The following BMERB1 variants were observed in gnomAD, a reference collection of about 807,000 sequenced individuals.
BMERB1 encodes the protein bMERB domain containing 1, also known as bMERB domain-containing protein 1.
Under a neutral mutation model 23.6 loss-of-function variants are expected in BMERB1, and 12 were observed. The ratio of observed to expected loss-of-function variants is 0.51; its 90% CI spans 0.33 to 0.82. BMERB1 has a LOEUF of 0.82. BMERB1 is among the 40% of genes least tolerant of loss of function. The pLI is 0.03. For synonymous variants in BMERB1, 122 were observed against 96.6 expected (o/e 1.26, Z -1.54); for missense variants, 247 against 255.4 (o/e 0.97, Z 0.22).
chr16:15,435,765 G>A (rs1308368456), intron 1 of BMERB1, among the ~76,000 whole-genome samples: 2 of 152,190 alleles, frequency 1.3e-5, no homozygotes, highest in African/African-American at 4.8e-5. Flanking sequence ...GTGTGTGCGC[G>A]CTTTCTTTCT....
At chr16:15,532,168 T>A (rs1392222581) in intron 2 of BMERB1, among the ~76,000 whole-genome samples, 1 of 152,192 alleles carries the variant, frequency 6.6e-6, no homozygotes, top group Non-Finnish European at 1.5e-5. Flanking sequence ...TTATATTAGA[T>A]CAATCCAAGA....
At chr16:15,483,890 C>T (rs946207511) in intron 1 of BMERB1, among the ~76,000 whole-genome samples, 12 of 152,152 alleles carry the variant, frequency 7.9e-5, no homozygotes, top group South Asian at 2.1e-4. Context: ...AAAGGAATAC[C>T]GGAGGTTGGG....
rs911492049 is a variant in BMERB1 at position 15,584,194 on chromosome 16, T to C, written c.502+956T>C. On this transcript the variant is annotated intron_variant, in intron 5 of 5. Coordinates refer to ENST00000300006, the MANE Select transcript of BMERB1 (RefSeq NM_033201.3). The stretch of plus-strand genomic sequence containing the variant: ...TGGATCCTGCTGTCAAGAAACTGTC[T>C]TTTCTTTGTTGACCCAGCGTTTCTC... The C allele has an allele frequency of 8.5e-6, 5 of 588,972 alleles. No homozygotes were observed. The African/African-American group carries it at 9.4e-5, about 11-fold the overall frequency. The allele number at this position is 588,972 out of a possible 1,614,324, so 36.5% of individuals were successfully genotyped here.
intron 1 of BMERB1, among the ~76,000 whole-genome samples, chr16:15,510,122 G>A (rs973200938): frequency 2.0e-5 from 3 of 152,154 alleles, no homozygotes; most frequent in African/African-American, 4.8e-5. Flanking sequence ...TCTGGAGAGC[G>A]CGTGACCCTG....
chr16:15,558,412 A>G (rs568406676), intron 2 of BMERB1, among the ~76,000 whole-genome samples: 2 of 152,210 alleles, frequency 1.3e-5, no homozygotes, highest in South Asian at 4.1e-4. Context: ...CTGCACATAC[A>G]TAGCCAAGCT....
chr16:15,465,155 T>C (rs1018289532), intron 1 of BMERB1, among the ~76,000 whole-genome samples: 7 of 152,032 alleles, frequency 4.6e-5, no homozygotes, highest in Admixed American at 3.9e-4. Context: ...GATGTAAAAC[T>C]GGTGAAATCT....
chr16:15,441,718 G>A (rs1244481943), intron 1 of BMERB1, among the ~76,000 whole-genome samples: 5 of 152,020 alleles, frequency 3.3e-5, no homozygotes, highest in Admixed American at 6.6e-5. Flanking sequence ...ATGGGGTTTT[G>A]CTGTGTTTCC....
chr16:15,543,925 TAAGG>T (rs1477293898), intron 2 of BMERB1, among the ~76,000 whole-genome samples: 3 of 152,182 alleles, frequency 2.0e-5, no homozygotes, highest in African/African-American at 4.8e-5. Flanking sequence ...AAATTGGAAA[TAAGG>T]AAGAATGTCT....
intron 2 of BMERB1, among the ~76,000 whole-genome samples, chr16:15,567,673 G>C (rs1339853581): frequency 6.6e-6 from 1 of 152,212 alleles, no homozygotes; most frequent in African/African-American, 2.4e-5. Flanking sequence ...TGAGGCAGGA[G>C]AATCGCTTGA....
intron 2 of BMERB1, among the ~76,000 whole-genome samples, chr16:15,543,232 ACTT>A (rs987825539): frequency 5.9e-5 from 9 of 151,906 alleles, no homozygotes; most frequent in African/African-American, 1.9e-4. Context: ...ATGTTCAGAC[ACTT>A]CTTCTCTTCT....
intron 2 of BMERB1, among the ~76,000 whole-genome samples, chr16:15,523,814 G>A (rs977715240): frequency 3.3e-5 from 5 of 152,076 alleles, no homozygotes; most frequent in African/African-American, 1.2e-4. Flanking sequence ...TGTGCTTCGT[G>A]GGAGAGTAGG....
chr16:15,570,159 T>A (rs1042534933), intron 3 of BMERB1, among the ~76,000 whole-genome samples: 1 of 152,160 alleles, frequency 6.6e-6, no homozygotes, highest in African/African-American at 2.4e-5. Context: ...TGAATGTTTT[T>A]GCCATGCTGT....
rs902880824 is a variant in BMERB1, at chr16:15,586,945, C to T, written c.*116C>T. 25 of 712,784 alleles carry T rather than the reference C, an allele frequency of 3.5e-5. 1 individual carries two copies. The highest frequency in any genetic ancestry group is 7.5e-5 in the South Asian group (4 of 53,578). 44.2% of individuals were successfully genotyped at this position (712,784 alleles called of 1,614,324 possible). A position where few individuals can be genotyped will look rare whatever the true frequency, so the allele number is the denominator to read the frequency against. On this transcript the variant is annotated 3_prime_UTR_variant, in exon 6 of 6. Coordinates refer to ENST00000300006, the MANE Select transcript of BMERB1 (RefSeq NM_033201.3). ...AGGCAGAAGGGGTTGAAGGCAAGCC[C>T]GTGACTGTCACCAGAGGCCATGGGC...
intron 1 of BMERB1, among the ~76,000 whole-genome samples, chr16:15,469,086 GC>G (rs1217443807): frequency 6.6e-6 from 1 of 150,712 alleles, no homozygotes; most frequent in Non-Finnish European, 1.5e-5. Context: ...TTGTGTCTCA[GC>G]TAAGTAGCTG....
At chr16:15,435,561 G>T (rs1217000386) in intron 1 of BMERB1, among the ~76,000 whole-genome samples, 1 of 152,122 alleles carries the variant, frequency 6.6e-6, no homozygotes, top group Non-Finnish European at 1.5e-5. Context: ...AAACCCGGGG[G>T]CTCCCCAAAG....
intron 1 of BMERB1, among the ~76,000 whole-genome samples, chr16:15,469,915 A>G (rs2051214878): frequency 6.6e-6 from 1 of 152,194 alleles, no homozygotes; most frequent in African/African-American, 2.4e-5. Context: ...GTAGACACTT[A>G]AGTCATCTGC....
At chr16:15,515,184 A>T in intron 1 of BMERB1, 121 bp from the exon 2 acceptor site, 1 of 1,356,586 alleles carries the variant, frequency 7.4e-7, no homozygotes, top group Non-Finnish European at 1.0e-6. Flanking sequence ...GCACAGGCTG[A>T]AGTCTGTCCT....
At chr16:15,518,687 A>T (rs1038993982) in intron 2 of BMERB1, among the ~76,000 whole-genome samples, 11 of 152,238 alleles carry the variant, frequency 7.2e-5, no homozygotes, top group Admixed American at 2.0e-4. Flanking sequence ...GATGGGAAGT[A>T]ATGGGAGGTT....
At chr16:15,546,330 T>C (rs1246677027) in intron 2 of BMERB1, among the ~76,000 whole-genome samples, 1 of 152,030 alleles carries the variant, frequency 6.6e-6, no homozygotes. Flanking sequence ...CACATACACA[T>C]AAACCCCGTC....
Sources: gnomAD v4.1 joint callset for allele counts (sites outside exome capture counted in the v4.1 genomes callset) on GRCh38, gnomAD v4.1.1 for gene constraint, MANE v1.5 for transcripts, NCBI Gene and HGNC (gene_info 2026-07-23, HGNC 2026-07-21) for gene names.